PCDH11X: variants seen among roughly 807,000 people sequenced by gnomAD.
PCDH11X encodes the protein protocadherin-11 X-linked.
A neutral mutation model predicts 53.3 loss-of-function variants in PCDH11X; 18 were observed. That is an observed-to-expected ratio of 0.34 (90% CI 0.23 to 0.50). PCDH11X has a LOEUF of 0.50. Ranked by LOEUF, PCDH11X falls within the 20% of genes least tolerant of loss-of-function variation. The pLI is 0.98. For synonymous variants in PCDH11X, 279 were observed against 393.3 expected, an observed-to-expected ratio of 0.71 and a Z score of 3.44; for missense variants, 570 against 1,032.4, an observed-to-expected ratio of 0.55 and a Z score of 6.14.
At chrX:91,827,826 A>C (rs1472423788) in intron 4 of PCDH11X, among the ~76,000 whole-genome samples, 1 of 109,812 alleles carries the variant, frequency 9.1e-6, no homozygotes, top group Non-Finnish European at 1.9e-5. Context: ...TTTCTGCACC[A>C]GTACCGTTAC....
At chrX:91,790,433 A>C (rs2147519131) in intron 1 of PCDH11X, among the ~76,000 whole-genome samples, 1 of 112,564 alleles carries the variant, frequency 8.9e-6, no homozygotes, top group East Asian at 2.8e-4. Context: ...TGGTTTGTAA[A>C]ATATCAGAAT....
At chrX:92,385,898 G>A (rs964445673) in intron 8 of PCDH11X, among the ~76,000 whole-genome samples, 50 of 111,050 alleles carry the variant, frequency 4.5e-4, no homozygotes, top group African/African-American at 1.6e-3. Context: ...GTTCCAGCAA[G>A]CTTTTCTTTT....
intron 10 of PCDH11X, among the ~76,000 whole-genome samples, chrX:92,559,780 G>A (rs774990544): frequency 9.0e-5 from 10 of 110,695 alleles, no homozygotes; most frequent in Admixed American, 2.9e-4. Flanking sequence ...TAGCCAGAGG[G>A]GTGTTCTGGT....
intron 6 of PCDH11X, among the ~76,000 whole-genome samples, chrX:92,050,363 A>G (rs2063351172): frequency 9.5e-6 from 1 of 105,754 alleles, no homozygotes; most frequent in Non-Finnish European, 1.9e-5. Context: ...ATGAATATAA[A>G]GGATAGTAGA....
intron 10 of PCDH11X, among the ~76,000 whole-genome samples, chrX:92,474,062 C>T (rs1164512850): frequency 9.0e-6 from 1 of 110,721 alleles, no homozygotes; most frequent in Non-Finnish European, 1.9e-5. Flanking sequence ...TTTAAGTCTC[C>T]ACCTATTACT....
chrX:92,606,747 G>A (rs1423944399), intron 10 of PCDH11X, among the ~76,000 whole-genome samples: 3 of 111,589 alleles, frequency 2.7e-5, no homozygotes. Flanking sequence ...CAGAATGTGA[G>A]AAAATATTTG....
In PCDH11X at chrX:92,483,969, A is replaced by T. The variant is rs765045676; in HGVS notation, c.3367+15647A>T. Among the ~76,000 whole-genome samples, 9 of 107,791 alleles carry T rather than the reference A, an allele frequency of 8.3e-5. No homozygotes were observed. The South Asian group carries it at 1.2e-3, about 14-fold the overall frequency. The allele number at this position is 107,791 out of a possible 115,157, so 93.6% of individuals were successfully genotyped here. Reference sequence around the variant, plus strand: ...CTGGGTATCTACCCAGAGGAAAAAAAGTCATTATATGAAAAGGATACTCGC... The same window carrying T: ...CTGGGTATCTACCCAGAGGAAAAAATGTCATTATATGAAAAGGATACTCGC... On this transcript the variant is annotated intron_variant, in intron 10 of 10. Transcript: ENST00000682573.
At chrX:92,550,132 A>G (rs1463282403) in intron 10 of PCDH11X, among the ~76,000 whole-genome samples, 1 of 110,570 alleles carries the variant, frequency 9.0e-6, no homozygotes, top group African/African-American at 3.3e-5. Context: ...AGTAACCGCA[A>G]TTCTACTCTC....
At chrX:92,068,225 G>A (rs1459953227) in intron 6 of PCDH11X, among the ~76,000 whole-genome samples, 2 of 106,900 alleles carry the variant, frequency 1.9e-5, no homozygotes, top group East Asian at 3.0e-4. Context: ...TGCTTTTCTA[G>A]TTCTCTAAGA....
chrX:92,029,678 G>C (rs907672240), intron 6 of PCDH11X, among the ~76,000 whole-genome samples: 1 of 110,492 alleles, frequency 9.1e-6, no homozygotes, highest in Non-Finnish European at 1.9e-5. Context: ...TTTTTGCAGA[G>C]AAATGGGGGA....
rs1276739513 is a variant in PCDH11X, at chrX:92,152,633, A to C, written c.3034-48742A>C. On this transcript the variant is annotated intron_variant, in intron 6 of 10. Transcript: ENST00000682573. ...TATGCATTCACAAAATACTGATAGA[A>C]TAATCCTGTGAAGTTCACTTCAGAA... 4.5e-5 allele frequency among the ~76,000 whole-genome samples: 5 copies of C among 111,984 alleles called. 1 individual carries two copies. Among genetic ancestry groups the C allele is most frequent in the Admixed American group, 1.9e-4 (2 of 10,552 alleles).
At chrX:91,998,294 A>G (rs2062452654) in intron 6 of PCDH11X, among the ~76,000 whole-genome samples, 1 of 110,284 alleles carries the variant, frequency 9.1e-6, no homozygotes, top group Admixed American at 9.7e-5. Flanking sequence ...AAATTAATCT[A>G]TTTCTTCTAG....
intron 6 of PCDH11X, among the ~76,000 whole-genome samples, chrX:92,020,875 G>A (rs181874678): frequency 5.5e-4 from 61 of 111,064 alleles, no homozygotes; most frequent in African/African-American, 1.9e-3. Context: ...CAGCCTCCTC[G>A]AGTGACATCT....
intron 6 of PCDH11X, among the ~76,000 whole-genome samples, chrX:92,062,952 C>T (rs1344922418): frequency 9.0e-6 from 1 of 111,250 alleles, no homozygotes; most frequent in Non-Finnish European, 1.9e-5. Flanking sequence ...AACCCAAATG[C>T]CCATCAATGA....
chrX:92,239,560 C>G (rs1441124655), intron 7 of PCDH11X, among the ~76,000 whole-genome samples: 4 of 111,400 alleles, frequency 3.6e-5, no homozygotes, highest in Non-Finnish European at 7.6e-5. Context: ...TTAAAAAGAT[C>G]TTTATTGAAT....
chrX:92,148,022 TCCTTCCTTTCCTTCTTTC>T (rs2065328831), intron 6 of PCDH11X, among the ~76,000 whole-genome samples: 4 of 88,535 alleles, frequency 4.5e-5, no homozygotes, highest in African/African-American at 1.8e-4. Flanking sequence ...TTTCCTTCCT[TCCTTCCTTTCCTTCTTTC>T]CCTTCCTTCC....
In PCDH11X at chrX:92,622,151, A is replaced by T. The variant is rs1018649147; in HGVS notation, c.*3211A>T. On this transcript the variant is annotated 3_prime_UTR_variant, in exon 11 of 11. Coordinates refer to ENST00000682573, the MANE Select transcript of PCDH11X (RefSeq NM_032968.5). ...TTTACTTAACATTTTACTTTTAATT[A>T]TGTAAATTTGGTTAGAAAATAATAA... 3 of 99,815 alleles carry T rather than the reference A, an allele frequency of 3.0e-5. No individual in the cohort carries two copies. Among genetic ancestry groups the T allele is most frequent in the African/African-American group, 1.1e-4 (3 of 27,235 alleles). The allele number at this position is 99,815 out of a possible 1,213,427, so 8.2% of individuals were successfully genotyped here.
chrX:92,475,979 G>A (rs1256904170), intron 10 of PCDH11X, among the ~76,000 whole-genome samples: 1 of 111,092 alleles, frequency 9.0e-6, no homozygotes, highest in East Asian at 2.9e-4. Flanking sequence ...ATATTGTTTG[G>A]CTGTGTCCCC....
chrX:92,515,532 A>T, intron 10 of PCDH11X: 1 of 221,886 alleles, frequency 4.5e-6, no homozygotes, highest in Non-Finnish European at 7.0e-6. Context: ...GGCTCCCATG[A>T]CACGTTATGG....
Sources: allele counts gnomAD v4.1 joint callset (sites outside exome capture counted in the v4.1 genomes callset), GRCh38; gene constraint gnomAD v4.1.1; transcripts MANE v1.5; gene names NCBI Gene and HGNC (gene_info 2026-07-23, HGNC 2026-07-21).